ATP2B1: variants seen among roughly 807,000 people sequenced by gnomAD.
ATP2B1 encodes the protein plasma membrane calcium-transporting ATPase 1.
A neutral mutation model predicts 124.2 loss-of-function variants in ATP2B1; 14 were observed. The ratio of observed to expected loss-of-function variants is 0.11; its 90% CI spans 0.07 to 0.18. The LOEUF (loss-of-function observed/expected upper bound fraction) is 0.18, where lower values mean the gene tolerates loss of function less well. Among genes scored for constraint, ATP2B1 ranks in the 10% least tolerant of loss-of-function variants. The pLI is 1.00. For missense variants in ATP2B1, 763 were observed against 1,466.1 expected (o/e 0.52, Z 7.83); for synonymous variants, 449 against 492.4 (o/e 0.91, Z 1.17).
At chr12:89,681,569 A>G (rs1889358282) in intron 1 of ATP2B1, among the ~76,000 whole-genome samples, 1 of 152,032 alleles carries the variant, frequency 6.6e-6, no homozygotes, top group Non-Finnish European at 1.5e-5. Context: ...TATGAAGCAA[A>G]TAAACACTGA....
At chr12:89,605,000 G>A (rs1347777449) in intron 15 of ATP2B1, among the ~76,000 whole-genome samples, 1 of 152,114 alleles carries the variant, frequency 6.6e-6, no homozygotes, top group African/African-American at 2.4e-5. Context: ...ATCAACAGGA[G>A]AATGGGGTAA....
Position 89,599,040 on chromosome 12 carries a change from A to G in ATP2B1, c.3351+77T>C, listed in dbSNP as rs554514036. 7 of 1,494,228 alleles carry G rather than the reference A, an allele frequency of 4.7e-6. 1 individual carries two copies. The South Asian group carries it at 5.2e-5, about 11-fold the overall frequency. 92.6% of individuals were successfully genotyped at this position (1,494,228 alleles called of 1,614,324 possible). A position where few individuals can be genotyped will look rare whatever the true frequency, so the allele number is the denominator to read the frequency against. On this transcript the variant is annotated intron_variant, in intron 20 of 20. Transcript: ENST00000428670. ...GGAAGGCTAGAGAGGAAGTTTAAGG[A>G]GCACACTCGAACCTCCTCCCCAGGT...
intron 1 of ATP2B1, among the ~76,000 whole-genome samples, chr12:89,699,498 G>A (rs952260257): frequency 6.6e-6 from 1 of 151,778 alleles, no homozygotes; most frequent in Non-Finnish European, 1.5e-5. Context: ...TTGAAAGTTT[G>A]GGGGGAGCGG....
At chr12:89,619,907 T>C in intron 11 of ATP2B1, 92 bp downstream of exon 11, 1 of 1,492,910 alleles carries the variant, frequency 6.7e-7, no homozygotes, top group Non-Finnish European at 9.0e-7. Context: ...ATGCCTGATG[T>C]TCACAAAAAG....
intron 20 of ATP2B1, among the ~76,000 whole-genome samples, chr12:89,596,798 C>G (rs570269971): frequency 2.4e-4 from 37 of 152,118 alleles, no homozygotes; most frequent in South Asian, 1.9e-3. Flanking sequence ...TAGTTTGGCT[C>G]CTTCTTGTGG....
chr12:89,652,419 G>T (rs1035349664), intron 2 of ATP2B1, among the ~76,000 whole-genome samples: 1 of 152,162 alleles, frequency 6.6e-6, no homozygotes, highest in Admixed American at 6.5e-5. Context: ...GTCAATGAAT[G>T]AATCAATAAA....
At chr12:89,655,511 T>C (rs1885845113) in intron 2 of ATP2B1, 168 bp downstream of exon 2, 1 of 648,258 alleles carries the variant, frequency 1.5e-6, no homozygotes, top group Admixed American at 2.9e-5. Flanking sequence ...TATGTGTTAA[T>C]ATAAAAATAC....
chr12:89,678,643 T>C (rs1888969052), intron 1 of ATP2B1, among the ~76,000 whole-genome samples: 1 of 152,184 alleles, frequency 6.6e-6, no homozygotes, highest in African/African-American at 2.4e-5. Flanking sequence ...AGGAAGCTAT[T>C]TTGCATGTGT....
At position 89,591,163 on chromosome 12, in the gene ATP2B1, T is replaced by G. The variant is rs1873485326; in HGVS notation, c.3484A>C (p.Ile1162Leu). 1.9e-6 allele frequency: 3 copies of G among 1,613,270 alleles called. No homozygotes were observed. The highest frequency in any genetic ancestry group is 2.5e-6 in the Non-Finnish European group (3 of 1,179,376). The change falls in exon 21 of 21, where the codon ATT becomes CTT. Residue 1162 changes from isoleucine (I) to leucine (L), a missense_variant. This residue lies in a region of ATP2B1 where 97 missense variants were observed against 94.7 expected (regional missense o/e 1.02). Transcript: ENST00000428670. ...TCATCTTCGGCATCAGTGTCATCAA[T>G]AAGGGGGATATGAGGCTCTGAATCT... ...IEDSEPHIPL[I>L]DDTDAEDDAP...
rs756747575 is a variant in ATP2B1, at chr12:89,624,267, G to T, written c.1260C>A (p.Phe420Leu). 3 of 1,614,188 alleles carry T rather than the reference G, an allele frequency of 1.9e-6. No homozygotes were observed. ...PIYIQYFVKF[F>L]IIGVTVLVVA... Reference sequence around the variant, plus strand: ...CCACTAAAACTGTAACTCCAATAATGAAGAACTTCACAAAGTATTGTATAT... The same window carrying T: ...CCACTAAAACTGTAACTCCAATAATTAAGAACTTCACAAAGTATTGTATAT... The change falls in exon 9 of 21, where the codon TTC (phenylalanine) becomes TTA (leucine). Residue 420 changes from phenylalanine to leucine, a missense_variant. Physicochemically the swap from Phe to Leu is conservative, Grantham distance 22. Coordinates refer to ENST00000428670, the MANE Select transcript of ATP2B1 (RefSeq NM_001366521.1).
At chr12:89,595,447 T>C (rs1265289847) in intron 20 of ATP2B1, among the ~76,000 whole-genome samples, 1 of 152,108 alleles carries the variant, frequency 6.6e-6, no homozygotes, top group African/African-American at 2.4e-5. Flanking sequence ...TCTAGAGACC[T>C]GTAAGAGTGA....
intron 1 of ATP2B1, among the ~76,000 whole-genome samples, chr12:89,685,938 A>C (rs1889917075): frequency 6.6e-6 from 1 of 152,064 alleles, no homozygotes; most frequent in Non-Finnish European, 1.5e-5. Flanking sequence ...CTCAGGAGAA[A>C]ACTTACCTTG....
intron 1 of ATP2B1, among the ~76,000 whole-genome samples, chr12:89,706,227 C>A (rs1486003784): frequency 6.6e-6 from 1 of 152,098 alleles, no homozygotes; most frequent in Admixed American, 6.5e-5. Flanking sequence ...AATATAAGTA[C>A]ACCTGCTCGA....
chr12:89,684,773 C>T (rs1889764191), intron 1 of ATP2B1, among the ~76,000 whole-genome samples: 1 of 152,112 alleles, frequency 6.6e-6, no homozygotes, highest in Non-Finnish European at 1.5e-5. Context: ...AGAAACTTGG[C>T]TTCTCTCCCT....
intron 9 of ATP2B1, 78 bp from the exon 10 acceptor site, chr12:89,621,869 T>A: frequency 7.5e-7 from 1 of 1,326,490 alleles, no homozygotes; most frequent in Non-Finnish European, 9.9e-7. Context: ...TGATTATAAA[T>A]TGTTTTAAAA....
At chr12:89,617,445 G>A (rs1014575937) in intron 11 of ATP2B1, among the ~76,000 whole-genome samples, 5 of 152,084 alleles carry the variant, frequency 3.3e-5, no homozygotes, top group Admixed American at 2.6e-4. Flanking sequence ...AAAGCCAAGC[G>A]TAGTCAACCC....
chr12:89,635,386 T>C (rs1225146450), intron 3 of ATP2B1, 135 bp from the exon 4 acceptor site: 10 of 1,074,800 alleles, frequency 9.3e-6, no homozygotes, highest in Non-Finnish European at 1.3e-5. Context: ...CTTTATTAAA[T>C]TCAAAGTATT....
intron 1 of ATP2B1, among the ~76,000 whole-genome samples, chr12:89,704,023 G>A (rs1302389119): frequency 6.6e-6 from 1 of 152,108 alleles, no homozygotes; most frequent in African/African-American, 2.4e-5. Flanking sequence ...TTTCTTGTGA[G>A]ATTTATAACC....
chr12:89,644,043 A>C (rs1884058677), intron 2 of ATP2B1, among the ~76,000 whole-genome samples: 1 of 152,102 alleles, frequency 6.6e-6, no homozygotes, highest in African/African-American at 2.4e-5. Context: ...AATCACTTGA[A>C]CCCAGGAGGC....
Sources: gnomAD v4.1 joint callset for allele counts (sites outside exome capture counted in the v4.1 genomes callset) on GRCh38, gnomAD v4.1.1 for gene constraint, gnomAD v4.1.1 regional missense constraint, MANE v1.5 for transcripts, NCBI Gene and HGNC (gene_info 2026-07-23, HGNC 2026-07-21) for gene names.